The following GRAMD1B variants were observed in gnomAD, a reference collection of about 807,000 sequenced individuals.
GRAMD1B encodes protein Aster-B.
Under a neutral mutation model 99.7 loss-of-function variants are expected in GRAMD1B, and 37 were observed. That is an observed-to-expected ratio of 0.37 (90% CI 0.29 to 0.49). The LOEUF (loss-of-function observed/expected upper bound fraction) is 0.49, where lower values mean the gene tolerates loss of function less well. Ranked by LOEUF, GRAMD1B falls within the 20% of genes least tolerant of loss-of-function variation. GRAMD1B has a pLI of 0.98. For synonymous variants in GRAMD1B, 427 were observed against 387.6 expected (o/e 1.10, Z -1.19); for missense variants, 888 against 1,009.2 (o/e 0.88, Z 1.63).
At chr11:123,527,002 C>A (rs1277540266) in intron 2 of GRAMD1B, among the ~76,000 whole-genome samples, 1 of 152,204 alleles carries the variant, frequency 6.6e-6, no homozygotes, top group Non-Finnish European at 1.5e-5. Flanking sequence ...TGATCCGGTA[C>A]CCCTGCAGGG....
At chr11:123,507,181 A>C (rs1214148850) in intron 2 of GRAMD1B, among the ~76,000 whole-genome samples, 3 of 152,192 alleles carry the variant, frequency 2.0e-5, no homozygotes, top group Non-Finnish European at 4.4e-5. Flanking sequence ...TCAGCCCAGG[A>C]ATAAAGAGGA....
At chr11:123,379,073 CAG>C (rs1279187748) in intron 1 of GRAMD1B, among the ~76,000 whole-genome samples, 5 of 152,210 alleles carry the variant, frequency 3.3e-5, no homozygotes, top group Non-Finnish European at 7.4e-5. Flanking sequence ...AAAGTTAAAT[CAG>C]GGGTTAAAGT....
chr11:123,487,884 G>C (rs1938049076), intron 2 of GRAMD1B, among the ~76,000 whole-genome samples: 1 of 152,236 alleles, frequency 6.6e-6, no homozygotes, highest in Non-Finnish European at 1.5e-5. Context: ...TGGGATTACA[G>C]ACGTGAGCCA....
chr11:123,364,552 T>C lies in GRAMD1B; in HGVS notation c.-176+5753T>C, dbSNP rs188976446. Among the ~76,000 whole-genome samples, 711 of 152,364 alleles carry C rather than the reference T, an allele frequency of 4.7e-3. 4 individuals are homozygous for C. Among genetic ancestry groups the C allele is most frequent in the African/African-American group, 0.016 (665 of 41,588 alleles). On this transcript the variant is annotated intron_variant, in intron 1 of 20. Coordinates refer to the GRAMD1B transcript ENST00000638157. ...GTTCTTGCCTATCTGATTAAGACAG[T>C]TCATCTGGCATAGCTTTGAAGCGAA...
chr11:123,409,977 G>C (rs1427011797), intron 1 of GRAMD1B, among the ~76,000 whole-genome samples: 1 of 152,154 alleles, frequency 6.6e-6, no homozygotes, highest in Non-Finnish European at 1.5e-5. Flanking sequence ...GGTGGAGTTG[G>C]ACTTATGGAG....
intron 2 of GRAMD1B, among the ~76,000 whole-genome samples, chr11:123,524,673 G>A (rs1942523620): frequency 1.3e-5 from 2 of 152,126 alleles, no homozygotes; most frequent in Non-Finnish European, 2.9e-5. Flanking sequence ...TCACTTTAGA[G>A]GGTCAAGTAT....
At chr11:123,595,862 G>T in intron 6 of GRAMD1B, 80 bp from the exon 7 acceptor site, 3 of 717,342 alleles carry the variant, frequency 4.2e-6, no homozygotes, top group Admixed American at 4.7e-5. Context: ...GTCTACACTG[G>T]CGCCCCCTGA....
At chr11:123,457,345 T>A (rs904985259) in intron 1 of GRAMD1B, among the ~76,000 whole-genome samples, 12 of 152,178 alleles carry the variant, frequency 7.9e-5, no homozygotes, top group African/African-American at 2.7e-4. Flanking sequence ...CGTTTGTTCT[T>A]AGACTGCTAT....
chr11:123,616,456 G>C (rs1954399225), intron 17 of GRAMD1B, among the ~76,000 whole-genome samples: 1 of 152,244 alleles, frequency 6.6e-6, no homozygotes, highest in Non-Finnish European at 1.5e-5. Context: ...GTAGAGCACT[G>C]TAACCTCAAG....
chr11:123,385,444 G>A (rs1021877398), intron 1 of GRAMD1B, among the ~76,000 whole-genome samples: 24 of 152,178 alleles, frequency 1.6e-4, no homozygotes, highest in African/African-American at 4.6e-4. Flanking sequence ...CTTTAACATC[G>A]TTTCCAGCCT....
At chr11:123,603,279 A>G (rs1027946341) in intron 8 of GRAMD1B, 147 bp from the exon 9 acceptor site, 5 of 624,434 alleles carry the variant, frequency 8.0e-6, no homozygotes, top group Non-Finnish European at 1.5e-5. Flanking sequence ...CCCCCAAGGC[A>G]GATGGGGGTG....
intron 2 of GRAMD1B, among the ~76,000 whole-genome samples, chr11:123,511,397 G>A (rs1219314599): frequency 1.3e-5 from 2 of 152,124 alleles, no homozygotes; most frequent in Non-Finnish European, 2.9e-5. Flanking sequence ...TGGGTGCTGC[G>A]CTGCTCAAAC....
intron 2 of GRAMD1B, among the ~76,000 whole-genome samples, chr11:123,505,391 C>A (rs1466282306): frequency 6.6e-6 from 1 of 152,128 alleles, no homozygotes; most frequent in Non-Finnish European, 1.5e-5. Flanking sequence ...TCCACTCTAC[C>A]TCTACAATCA....
chr11:123,598,699 A>G (rs1951588520), intron 7 of GRAMD1B: 3 of 971,638 alleles, frequency 3.1e-6, no homozygotes, highest in Middle Eastern at 2.4e-4. Context: ...AACTCCTCCC[A>G]GGAGGAGAAT....
At position 123,476,381 on chromosome 11, in the gene GRAMD1B, G is replaced by A. The variant is rs572356210; in HGVS notation, c.375-4435G>A. Among the ~76,000 whole-genome samples, 4 of 152,286 alleles carry A rather than the reference G, an allele frequency of 2.6e-5. No individual in the cohort carries two copies. In the South Asian group the frequency reaches 8.3e-4, roughly 32 times the overall value. On this transcript the variant is annotated intron_variant, in intron 1 of 19. Coordinates refer to ENST00000635736, the MANE Select transcript of GRAMD1B (RefSeq NM_001387025.1). ...TTCCTAAAGTGCTGGGATTACAGGC[G>A]TGAGCCACCGCACCCGGCCCATTTA... is the stretch of plus-strand genomic sequence containing the variant.
At chr11:123,470,505 T>C (rs1224781490) in intron 1 of GRAMD1B, among the ~76,000 whole-genome samples, 1 of 120,844 alleles carries the variant, frequency 8.3e-6, no homozygotes, top group Non-Finnish European at 1.5e-5. Context: ...TTTCTTTCTT[T>C]CTTTCTTTTT....
At chr11:123,471,193 G>GT (rs1231070483) in intron 1 of GRAMD1B, among the ~76,000 whole-genome samples, 2 of 152,124 alleles carry the variant, frequency 1.3e-5, no homozygotes, top group African/African-American at 2.4e-5. Context: ...GATGAAGGCT[G>GT]TAAACTTCTC....
At chr11:123,616,474 T>A (rs1263289820) in intron 17 of GRAMD1B, among the ~76,000 whole-genome samples, 1 of 152,264 alleles carries the variant, frequency 6.6e-6, no homozygotes, top group Non-Finnish European at 1.5e-5. Context: ...AAGTTAGTTC[T>A]GTGTTTAAGC....
chr11:123,525,945 G>C lies in GRAMD1B; in HGVS notation c.452+45052G>C, dbSNP rs570462159. 4 of 589,666 alleles carry C rather than the reference G, an allele frequency of 6.8e-6. No homozygotes were observed. The Admixed American group carries it at 8.6e-5, about 13-fold the overall frequency. The allele number at this position is 589,666 out of a possible 1,614,324, so 36.5% of individuals were successfully genotyped here. On this transcript the variant is annotated intron_variant, in intron 2 of 19. Coordinates refer to ENST00000635736, the MANE Select transcript of GRAMD1B (RefSeq NM_001387025.1). Reference sequence around the variant, plus strand: ...CCTTTGCCTCCAAGCCCAGCTTTCAGCTGGGAGAGGGGGAAGAAGGGGCAG... The same window carrying C: ...CCTTTGCCTCCAAGCCCAGCTTTCACCTGGGAGAGGGGGAAGAAGGGGCAG...
Sources: gnomAD v4.1 joint callset for allele counts (sites outside exome capture counted in the v4.1 genomes callset) on GRCh38, gnomAD v4.1.1 for gene constraint, MANE v1.5 for transcripts, NCBI Gene and HGNC (gene_info 2026-07-23, HGNC 2026-07-21) for gene names.